NRF1: variants seen among roughly 807,000 people sequenced by gnomAD.
NRF1 encodes nuclear respiratory factor 1.
NRF1 carries 5 observed loss-of-function variants against 58.5 expected under a neutral mutation model. The observed-to-expected ratio is 0.09, with a 90% confidence interval of 0.04 to 0.18. The LOEUF (loss-of-function observed/expected upper bound fraction) is 0.18. NRF1 is among the 10% of genes least tolerant of loss of function. The pLI is 1.00. For synonymous variants in NRF1, 224 were observed against 246.7 expected (o/e 0.91, Z 0.86); for missense variants, 288 against 657.7 (o/e 0.44, Z 6.15).
chr7:129,629,285 T>C (rs1800994265), intron 1 of NRF1, among the ~76,000 whole-genome samples: 1 of 150,994 alleles, frequency 6.6e-6, no homozygotes, highest in South Asian at 2.1e-4. Flanking sequence ...CGCTTTTTTT[T>C]TTTTTTTCCT....
At chr7:129,667,050 A>G (rs1801939322) in intron 2 of NRF1, among the ~76,000 whole-genome samples, 1 of 152,216 alleles carries the variant, frequency 6.6e-6, no homozygotes, top group African/African-American at 2.4e-5. Flanking sequence ...AAATACACTC[A>G]TGAGTCACTG....
At chr7:129,710,668 G>T in intron 7 of NRF1, 97 bp downstream of exon 7, 2 of 725,966 alleles carry the variant, frequency 2.8e-6, no homozygotes, top group Non-Finnish European at 2.5e-6. Context: ...GCGAACTCTT[G>T]TATGAACTTT....
chr7:129,690,688 C>T (rs1802546290), intron 5 of NRF1, 142 bp downstream of exon 5: 1 of 850,198 alleles, frequency 1.2e-6, no homozygotes. Flanking sequence ...GAAACAGTAG[C>T]AGCCTTGGAA....
chr7:129,662,332 T>G (rs1188002103), intron 2 of NRF1, among the ~76,000 whole-genome samples: 1 of 152,056 alleles, frequency 6.6e-6, no homozygotes, highest in Non-Finnish European at 1.5e-5. Context: ...GTTAATAGTT[T>G]AACCAAAACT....
At chr7:129,746,317 T>A (rs577632915) in intron 10 of NRF1, among the ~76,000 whole-genome samples, 5 of 152,340 alleles carry the variant, frequency 3.3e-5, no homozygotes, top group Admixed American at 2.0e-4. Context: ...TTGTTTGATA[T>A]TGACATTCTC....
At chr7:129,669,385 C>T (rs1801995859) in intron 2 of NRF1, among the ~76,000 whole-genome samples, 1 of 152,106 alleles carries the variant, frequency 6.6e-6, no homozygotes, top group Non-Finnish European at 1.5e-5. Context: ...GCTATGCCTG[C>T]TGAAGTATTT....
At chr7:129,638,845 G>T (rs1801226251) in intron 1 of NRF1, among the ~76,000 whole-genome samples, 1 of 151,910 alleles carries the variant, frequency 6.6e-6, no homozygotes, top group Non-Finnish European at 1.5e-5. Context: ...CCTAGTTTTA[G>T]GTAAAGGCAT....
chr7:129,633,908 A>G (rs1162982712), intron 1 of NRF1: 1 of 151,412 alleles, frequency 6.6e-6, no homozygotes, highest in Non-Finnish European at 1.5e-5. Context: ...AGTATTCAGC[A>G]TTATATAACG....
Position 129,612,054 on chromosome 7 carries a change from C to A in NRF1, c.-7+230C>A, listed in dbSNP as rs1800543419. ...CCGCACTAGGCCCCAGGCGTCCTGG[C>A]GGGCTCGGGAGGGAGGCGCTGCCCT... On this transcript the variant is annotated intron_variant, in intron 1 of 10. Coordinates refer to ENST00000393232, the MANE Select transcript of NRF1 (RefSeq NM_005011.5). Among the ~76,000 whole-genome samples the A allele has an allele frequency of 5.3e-5, 8 of 150,146 alleles. 1 individual carries two copies. The South Asian group carries it at 6.2e-4, about 12-fold the overall frequency.
intron 10 of NRF1, among the ~76,000 whole-genome samples, chr7:129,751,168 A>C (rs1347345064): frequency 3.3e-5 from 5 of 152,166 alleles, no homozygotes; most frequent in Non-Finnish European, 7.3e-5. Flanking sequence ...GAAGGCATGG[A>C]GGTGTGTGCT....
At chr7:129,712,910 G>A (rs1803107675) in intron 8 of NRF1, among the ~76,000 whole-genome samples, 2 of 152,050 alleles carry the variant, frequency 1.3e-5, no homozygotes, top group East Asian at 3.9e-4. Flanking sequence ...TGAAAGAGGT[G>A]GAAAAGACAA....
At chr7:129,629,353 A>G (rs544070600) in intron 1 of NRF1, among the ~76,000 whole-genome samples, 1 of 146,928 alleles carries the variant, frequency 6.8e-6, no homozygotes, top group South Asian at 2.1e-4. Flanking sequence ...GTCTCAGCTC[A>G]CTGCAACCTC....
At chr7:129,695,215 T>G (rs1361690300) in intron 5 of NRF1, among the ~76,000 whole-genome samples, 3 of 152,086 alleles carry the variant, frequency 2.0e-5, no homozygotes, top group Non-Finnish European at 2.9e-5. Context: ...ATTTATCTCA[T>G]TTTCTATAAC....
chr7:129,622,355 G>A (rs942751412), intron 1 of NRF1, among the ~76,000 whole-genome samples: 5 of 151,950 alleles, frequency 3.3e-5, no homozygotes, highest in African/African-American at 9.7e-5. Context: ...AAAATGAGGA[G>A]GACAGAAATG....
chr7:129,653,217 T>G (rs541668978), intron 1 of NRF1, among the ~76,000 whole-genome samples: 3 of 152,364 alleles, frequency 2.0e-5, no homozygotes, highest in Admixed American at 1.3e-4. Flanking sequence ...GAGCAGAATA[T>G]CCTCAAGGTT....
intron 10 of NRF1, chr7:129,744,187 G>C (rs1803916378): frequency 6.6e-7 from 1 of 1,525,376 alleles, no homozygotes; most frequent in Non-Finnish European, 8.9e-7. Flanking sequence ...CTTTATGGCA[G>C]ATCGTGCAGG....
chr7:129,733,707 T>C (rs1489907402), intron 10 of NRF1, among the ~76,000 whole-genome samples: 2 of 152,200 alleles, frequency 1.3e-5, no homozygotes, highest in African/African-American at 2.4e-5. Flanking sequence ...TTGATTTTTT[T>C]CAATTTCATT....
At chr7:129,696,815 A>G (rs1802710258) in intron 5 of NRF1, among the ~76,000 whole-genome samples, 1 of 152,196 alleles carries the variant, frequency 6.6e-6, no homozygotes, top group South Asian at 2.1e-4. Context: ...GTGTTGCACT[A>G]TTTTGTATCT....
intron 4 of NRF1, among the ~76,000 whole-genome samples, chr7:129,682,485 A>G (rs1387590196): frequency 6.6e-6 from 1 of 151,662 alleles, no homozygotes; most frequent in Non-Finnish European, 1.5e-5. Flanking sequence ...AAACAAAAAA[A>G]CCCCGCAATG....
Sources: gnomAD v4.1 joint callset for allele counts (sites outside exome capture counted in the v4.1 genomes callset) on GRCh38, gnomAD v4.1.1 for gene constraint, MANE v1.5 for transcripts, NCBI Gene and HGNC (gene_info 2026-07-23, HGNC 2026-07-21) for gene names.